Variants in IL1RAPL1 observed in about 807,000 individuals in gnomAD.
The protein encoded by IL1RAPL1 is interleukin-1 receptor accessory protein-like 1.
In IL1RAPL1, 3 loss-of-function variants were observed where a neutral mutation model predicts 48.4. The observed-to-expected ratio is 0.06, with a 90% CI of 0.03 to 0.16. The LOEUF is 0.16. IL1RAPL1 is among the 10% of genes least tolerant of loss of function. The probability of loss-of-function intolerance (pLI) is 1.00; values close to 1 mark genes in which losing one functional copy is unlikely to be tolerated. For synonymous variants in IL1RAPL1, 185 were observed against 187.7 expected, an observed-to-expected ratio of 0.99 and a Z score of 0.12; for missense variants, 349 against 530.6, an observed-to-expected ratio of 0.66 and a Z score of 3.36.
At chrX:28,728,423 A>G (rs1935708753) in intron 1 of IL1RAPL1, among the ~76,000 whole-genome samples, 1 of 111,826 alleles carries the variant, frequency 8.9e-6, no homozygotes, top group African/African-American at 3.2e-5. Flanking sequence ...ACCGCTACTC[A>G]CCCACAAACA....
chrX:29,716,311 A>G (rs7472139), intron 6 of IL1RAPL1, among the ~76,000 whole-genome samples: 18,866 of 110,588 alleles, frequency 0.17, 2,892 homozygotes, highest in African/African-American at 0.49. Flanking sequence ...CTTGAAGAGG[A>G]TACATACAAT....
intron 8 of IL1RAPL1, among the ~76,000 whole-genome samples, chrX:29,921,634 A>G (rs1932848892): frequency 8.9e-6 from 1 of 112,433 alleles, no homozygotes; most frequent in Admixed American, 9.4e-5. Context: ...AAGCAACTTA[A>G]GTGTTGTGTA....
intron 2 of IL1RAPL1, among the ~76,000 whole-genome samples, chrX:29,135,292 A>T (rs1484463730): frequency 8.9e-6 from 1 of 111,849 alleles, no homozygotes; most frequent in African/African-American, 3.2e-5. Context: ...TATTTCCGAG[A>T]TGTAGTTTAA....
intron 2 of IL1RAPL1, among the ~76,000 whole-genome samples, chrX:28,855,186 A>G (rs1181644313): frequency 9.0e-6 from 1 of 110,575 alleles, no homozygotes; most frequent in East Asian, 2.9e-4. Flanking sequence ...TGCCTGGCTG[A>G]TTTTTGTATT....
intron 5 of IL1RAPL1, among the ~76,000 whole-genome samples, chrX:29,567,343 C>T (rs1276255434): frequency 1.8e-5 from 2 of 111,338 alleles, no homozygotes; most frequent in Non-Finnish European, 3.8e-5. Context: ...GTTAAGAAGA[C>T]AAAATAAATA....
intron 5 of IL1RAPL1, among the ~76,000 whole-genome samples, chrX:29,433,995 A>G (rs1304283858): frequency 1.8e-5 from 2 of 110,390 alleles, no homozygotes; most frequent in Non-Finnish European, 3.8e-5. Context: ...GACTTCATAT[A>G]AAAATAAAGA....
chrX:29,206,698 G>A (rs1362005643), intron 2 of IL1RAPL1, among the ~76,000 whole-genome samples: 1 of 111,232 alleles, frequency 9.0e-6, no homozygotes, highest in Non-Finnish European at 1.9e-5. Flanking sequence ...TCCCCCTGAA[G>A]GAAACAGTAA....
intron 2 of IL1RAPL1, among the ~76,000 whole-genome samples, chrX:29,127,137 G>A (rs1928914995): frequency 9.0e-6 from 1 of 110,644 alleles, no homozygotes; most frequent in African/African-American, 3.3e-5. Flanking sequence ...TGGTGGTGGT[G>A]GTGGTTTTGT....
At chrX:29,887,659 A>AT (rs59830503) in intron 6 of IL1RAPL1, among the ~76,000 whole-genome samples, 11,078 of 106,175 alleles carry the variant, frequency 0.1, 469 homozygotes, top group Admixed American at 0.18. Flanking sequence ...GTTTATTTTC[A>AT]TTTTTTTTTT....
At chrX:29,735,721 GA>G (rs201803936) in intron 6 of IL1RAPL1, among the ~76,000 whole-genome samples, 2,617 of 111,789 alleles carry the variant, frequency 0.023, 81 homozygotes, top group African/African-American at 0.081. Context: ...GTATGTTTGA[GA>G]TTTTTTTTTT....
chrX:29,350,282 C>T (rs1366077761), intron 3 of IL1RAPL1, among the ~76,000 whole-genome samples: 1 of 89,663 alleles, frequency 1.1e-5, no homozygotes, highest in Non-Finnish European at 2.1e-5. Context: ...CATAGACACA[C>T]TGCCACCAAT....
chrX:28,609,207 A>C (rs998257501), intron 1 of IL1RAPL1, among the ~76,000 whole-genome samples: 1 of 112,126 alleles, frequency 8.9e-6, no homozygotes, highest in Non-Finnish European at 1.9e-5. Context: ...AAAGCTATTG[A>C]GTGTCTAGCA....
At chrX:29,885,359 CTT>C (rs1569193970) in intron 6 of IL1RAPL1, among the ~76,000 whole-genome samples, 1 of 112,009 alleles carries the variant, frequency 8.9e-6, no homozygotes, top group African/African-American at 3.3e-5. Context: ...GATTATCTAA[CTT>C]TTGTCTGTCT....
At chrX:28,843,402 C>A (rs1323466459) in intron 2 of IL1RAPL1, among the ~76,000 whole-genome samples, 1 of 111,366 alleles carries the variant, frequency 9.0e-6, no homozygotes, top group Non-Finnish European at 1.9e-5. Flanking sequence ...AATTAATGAG[C>A]TGAACGTAAA....
chrX:29,154,729 A>T (rs1929533990), intron 2 of IL1RAPL1, among the ~76,000 whole-genome samples: 1 of 111,997 alleles, frequency 8.9e-6, no homozygotes, highest in Admixed American at 9.5e-5. Context: ...ATTATGACTT[A>T]AAGTGTTTAT....
chrX:29,109,201 G>A (rs1928510575), intron 2 of IL1RAPL1, among the ~76,000 whole-genome samples: 1 of 110,293 alleles, frequency 9.1e-6, no homozygotes, highest in Non-Finnish European at 1.9e-5. Context: ...ATGGAGTCAG[G>A]CTTTTTGAAA....
At chrX:29,047,006 A>G (rs34732238) in intron 2 of IL1RAPL1, among the ~76,000 whole-genome samples, 7,091 of 112,052 alleles carry the variant, frequency 0.063, 218 homozygotes, top group South Asian at 0.26. Context: ...TTCTGGATGG[A>G]AGGTTCTGGA....
intron 2 of IL1RAPL1, among the ~76,000 whole-genome samples, chrX:29,023,559 A>G (rs1926418293): frequency 8.9e-6 from 1 of 112,827 alleles, no homozygotes; most frequent in Non-Finnish European, 1.9e-5. Context: ...GGCAAATAAA[A>G]AACTTAGATC....
At chrX:29,674,063 A>G (rs778160093) in intron 6 of IL1RAPL1, among the ~76,000 whole-genome samples, 1 of 112,246 alleles carries the variant, frequency 8.9e-6, no homozygotes, top group South Asian at 3.7e-4. Context: ...ATAGGTTTGG[A>G]AAAAAATACA....
Sources: gnomAD v4.1 joint callset for allele counts (sites outside exome capture counted in the v4.1 genomes callset) on GRCh38, gnomAD v4.1.1 for gene constraint, MANE v1.5 for transcripts, NCBI Gene and HGNC (gene_info 2026-07-23, HGNC 2026-07-21) for gene names.